The following EXOC6B variants were observed in gnomAD, a reference collection of about 807,000 sequenced individuals.
The protein encoded by EXOC6B is SEC15 homolog B.
A neutral mutation model predicts 113.5 loss-of-function variants in EXOC6B; 54 were observed. That is an observed-to-expected ratio of 0.48 (90% confidence interval 0.38 to 0.60). The LOEUF is 0.60. EXOC6B is among the 20% of genes least tolerant of loss of function. The pLI, the probability that EXOC6B is intolerant of heterozygous loss-of-function variation, is 0.00. For missense variants in EXOC6B, 797 were observed against 977.5 expected, an observed-to-expected ratio of 0.82 and a Z score of 2.46; for synonymous variants, 357 against 339.0, an observed-to-expected ratio of 1.05 and a Z score of -0.58.
intron 1 of EXOC6B, among the ~76,000 whole-genome samples, chr2:72,742,584 A>G (rs1480237856): frequency 6.6e-6 from 1 of 152,158 alleles, no homozygotes; most frequent in Non-Finnish European, 1.5e-5. Context: ...TCCACCTAAT[A>G]GCAGCATTTG....
chr2:72,369,171 A>G (rs2105017320), intron 19 of EXOC6B, among the ~76,000 whole-genome samples: 1 of 152,344 alleles, frequency 6.6e-6, no homozygotes, highest in East Asian at 1.9e-4. Context: ...GCAAAGTCTC[A>G]GGATACAAAA....
At chr2:72,706,274 AC>A (rs1351965465) in intron 6 of EXOC6B, among the ~76,000 whole-genome samples, 1 of 152,084 alleles carries the variant, frequency 6.6e-6, no homozygotes, top group African/African-American at 2.4e-5. Context: ...AGAGTCATTC[AC>A]CCCGCCAAAA....
At chr2:72,761,839 A>T (rs959984020) in intron 1 of EXOC6B, among the ~76,000 whole-genome samples, 1 of 152,104 alleles carries the variant, frequency 6.6e-6, no homozygotes, top group Admixed American at 6.6e-5. Context: ...GGAGCTAAGG[A>T]TGGTAGCATA....
intron 18 of EXOC6B, among the ~76,000 whole-genome samples, chr2:72,406,473 T>C (rs896760822): frequency 4.6e-5 from 7 of 152,098 alleles, no homozygotes; most frequent in Non-Finnish European, 1.0e-4. Context: ...CCTCAGCAAA[T>C]GTAACACAAC....
chr2:72,588,141 A>G (rs1705706604), intron 6 of EXOC6B, among the ~76,000 whole-genome samples: 1 of 152,158 alleles, frequency 6.6e-6, no homozygotes, highest in South Asian at 2.1e-4. Context: ...AAATATTTAA[A>G]ATGAAATTAA....
intron 8 of EXOC6B, among the ~76,000 whole-genome samples, chr2:72,547,775 T>C (rs940599833): frequency 6.6e-6 from 1 of 152,164 alleles, no homozygotes; most frequent in Non-Finnish European, 1.5e-5. Flanking sequence ...GACAGAATAG[T>C]TTGTCTTCAT....
intron 7 of EXOC6B, among the ~76,000 whole-genome samples, chr2:72,565,481 T>G (rs1704115872): frequency 6.6e-6 from 1 of 151,874 alleles, no homozygotes; most frequent in Non-Finnish European, 1.5e-5. Flanking sequence ...TTTGCACTAC[T>G]TGGTATTAAA....
chr2:72,230,161 C>A (rs1681518366), intron 20 of EXOC6B, among the ~76,000 whole-genome samples: 1 of 152,064 alleles, frequency 6.6e-6, no homozygotes, highest in African/African-American at 2.4e-5. Flanking sequence ...GGTTCTAAGT[C>A]CTGCTATAAA....
chr2:72,216,926 A>G (rs1680573275), intron 20 of EXOC6B, among the ~76,000 whole-genome samples: 1 of 151,504 alleles, frequency 6.6e-6, no homozygotes, highest in African/African-American at 2.4e-5. Context: ...GGGGAGGGAG[A>G]GATACTTGGG....
intron 20 of EXOC6B, among the ~76,000 whole-genome samples, chr2:72,240,419 A>T (rs1222429211): frequency 6.6e-6 from 1 of 152,194 alleles, no homozygotes; most frequent in East Asian, 1.9e-4. Context: ...TTCTAATTTA[A>T]TACTTACGGA....
chr2:72,258,896 T>C (rs1683525983), intron 20 of EXOC6B, among the ~76,000 whole-genome samples: 2 of 152,280 alleles, frequency 1.3e-5, no homozygotes, highest in African/African-American at 4.8e-5. Context: ...TGAACATCCA[T>C]ACACTCACCA....
intron 18 of EXOC6B, among the ~76,000 whole-genome samples, chr2:72,450,905 C>T (rs1696872732): frequency 1.3e-5 from 2 of 152,146 alleles, no homozygotes; most frequent in Admixed American, 1.3e-4. Flanking sequence ...TCAAGGGAGC[C>T]AGGTTCCACC....
chr2:72,253,453 T>C (rs1349246248), intron 20 of EXOC6B, among the ~76,000 whole-genome samples: 1 of 152,184 alleles, frequency 6.6e-6, no homozygotes, highest in African/African-American at 2.4e-5. Context: ...CCTAAATGCC[T>C]ATCAATGGTA....
chr2:72,216,844 T>C (rs575721369), intron 20 of EXOC6B, among the ~76,000 whole-genome samples: 14 of 152,076 alleles, frequency 9.2e-5, no homozygotes, highest in African/African-American at 3.4e-4. Context: ...AAGTGGGACC[T>C]GAACAATGAG....
rs7340484 is a variant in EXOC6B, at chr2:72,564,060, C to T, written c.847-4539G>A. On this transcript the variant is annotated intron_variant, in intron 7 of 21. Coordinates refer to ENST00000272427, the MANE Select transcript of EXOC6B (RefSeq NM_015189.3). ...GGTAAAAATATGATAACTCTACCAG[C>T]TTTACTGCTGGGTAAGCATACCCTT... Among the ~76,000 whole-genome samples, 419 of 152,242 alleles carry T rather than the reference C, an allele frequency of 2.8e-3. 4 individuals are homozygous for T. Among genetic ancestry groups the T allele is most frequent in the African/African-American group, 8.8e-3 (365 of 41,562 alleles).
chr2:72,388,946 C>T (rs890424858), intron 18 of EXOC6B, among the ~76,000 whole-genome samples: 4 of 152,118 alleles, frequency 2.6e-5, no homozygotes, highest in African/African-American at 9.7e-5. Flanking sequence ...TGTCTTTATA[C>T]ATTAGAGTGA....
At chr2:72,498,608 T>A in intron 12 of EXOC6B, 57 bp from the exon 13 acceptor site, 1 of 982,200 alleles carries the variant, frequency 1.0e-6, no homozygotes, top group Non-Finnish European at 1.4e-6. Context: ...TTTTTTCGGT[T>A]TTTTTTTTTT....
chr2:72,706,754 A>G (rs1476798602), intron 6 of EXOC6B, among the ~76,000 whole-genome samples: 1 of 152,174 alleles, frequency 6.6e-6, no homozygotes, highest in Admixed American at 6.5e-5. Flanking sequence ...AACAGCCACA[A>G]AATTCTTTGA....
At chr2:72,249,810 A>G (rs1682894286) in intron 20 of EXOC6B, among the ~76,000 whole-genome samples, 1 of 152,210 alleles carries the variant, frequency 6.6e-6, no homozygotes, top group African/African-American at 2.4e-5. Flanking sequence ...AATGGTTGGT[A>G]GACATTTACC....
Sources: gnomAD v4.1 joint callset for allele counts (sites outside exome capture counted in the v4.1 genomes callset) on GRCh38, gnomAD v4.1.1 for gene constraint, MANE v1.5 for transcripts, NCBI Gene and HGNC (gene_info 2026-07-23, HGNC 2026-07-21) for gene names.